Variants in MTHFD2L observed in about 807,000 individuals in gnomAD.
MTHFD2L encodes methylenetetrahydrofolate dehydrogenase (NADP+ dependent) 2 like.
A neutral mutation model predicts 34.9 loss-of-function variants in MTHFD2L; 29 were observed. The ratio of observed to expected loss-of-function variants is 0.83; its 90% CI spans 0.62 to 1.13. MTHFD2L has a LOEUF of 1.13. Among genes scored for constraint, MTHFD2L ranks in the 50% most tolerant of loss-of-function variants. MTHFD2L has a pLI of 0.00. For synonymous variants in MTHFD2L, 167 were observed against 155.7 expected, an observed-to-expected ratio of 1.07 and a Z score of -0.54; for missense variants, 481 against 446.5, an observed-to-expected ratio of 1.08 and a Z score of -0.70.
intron 1 of MTHFD2L, among the ~76,000 whole-genome samples, chr4:74,170,898 T>C (rs946749632): frequency 5.5e-5 from 8 of 145,960 alleles, no homozygotes; most frequent in African/African-American, 1.5e-4. Flanking sequence ...AAACACTGCA[T>C]GTTCTCACTC....
chr4:74,236,297 C>A (rs556486005), intron 6 of MTHFD2L, among the ~76,000 whole-genome samples: 1 of 152,292 alleles, frequency 6.6e-6, no homozygotes, highest in South Asian at 2.1e-4. Context: ...TTAATGCTTT[C>A]TAAAACACAA....
intron 1 of MTHFD2L, among the ~76,000 whole-genome samples, chr4:74,129,708 G>C (rs1282333494): frequency 6.6e-6 from 1 of 152,022 alleles, no homozygotes; most frequent in African/African-American, 2.4e-5. Flanking sequence ...TCAAAAGCTA[G>C]CAGAAGACAA....
chr4:74,211,445 G>A (rs981556624), intron 5 of MTHFD2L, among the ~76,000 whole-genome samples: 2 of 152,176 alleles, frequency 1.3e-5, no homozygotes, highest in Admixed American at 6.5e-5. Flanking sequence ...AGATAATCAT[G>A]TGGTTTTTGT....
chr4:74,277,452 A>G (rs1398877806), intron 6 of MTHFD2L, among the ~76,000 whole-genome samples: 1 of 151,992 alleles, frequency 6.6e-6, no homozygotes, highest in Non-Finnish European at 1.5e-5. Flanking sequence ...CCCATTCTAG[A>G]ACTACAATGG....
At chr4:74,188,099 GTATC>G (rs1268214621) in intron 3 of MTHFD2L, among the ~76,000 whole-genome samples, 1 of 117,748 alleles carries the variant, frequency 8.5e-6, no homozygotes, top group Non-Finnish European at 1.9e-5. Context: ...CTGAGTGAAA[GTATC>G]TAGACAAGAG....
chr4:74,133,116 G>A (rs1039941390), intron 1 of MTHFD2L, among the ~76,000 whole-genome samples: 5 of 152,180 alleles, frequency 3.3e-5, no homozygotes, highest in Admixed American at 6.6e-5. Context: ...GTCTGTGAAA[G>A]ACAATTTCTC....
intron 3 of MTHFD2L, 68 bp from the exon 4 acceptor site, chr4:74,199,726 G>T: frequency 1.5e-6 from 2 of 1,363,286 alleles, no homozygotes; most frequent in Non-Finnish European, 2.0e-6. Context: ...TAGATTCTCA[G>T]ATTTCATTTT....
intron 6 of MTHFD2L, among the ~76,000 whole-genome samples, chr4:74,240,155 A>T (rs1479895812): frequency 6.6e-6 from 1 of 152,230 alleles, no homozygotes. Flanking sequence ...TTATAGTGGA[A>T]GCTCTGCAAA....
intron 7 of MTHFD2L, among the ~76,000 whole-genome samples, chr4:74,296,053 C>A (rs970023826): frequency 1.3e-5 from 2 of 152,084 alleles, no homozygotes; most frequent in African/African-American, 4.8e-5. Flanking sequence ...ACTAAAAGCT[C>A]CATGAGGCAG....
At chr4:74,233,962 T>G (rs992979058) in intron 6 of MTHFD2L, among the ~76,000 whole-genome samples, 1 of 152,036 alleles carries the variant, frequency 6.6e-6, no homozygotes, top group African/African-American at 2.4e-5. Flanking sequence ...TTCTGATTTT[T>G]CATGAGTAAA....
At chr4:74,142,585 T>A (rs989870775) in intron 1 of MTHFD2L, among the ~76,000 whole-genome samples, 3 of 152,256 alleles carry the variant, frequency 2.0e-5, no homozygotes, top group African/African-American at 7.2e-5. Context: ...TGTCATAATT[T>A]GTTTTAGCAG....
Position 74,261,727 on chromosome 4 carries a change from A to G in MTHFD2L, c.806-19698A>G, listed in dbSNP as rs73824447. Among the ~76,000 whole-genome samples, 1,242 of 152,200 alleles carry G rather than the reference A, an allele frequency of 8.2e-3. 10 individuals are homozygous for G. The highest frequency in any genetic ancestry group is 0.026 in the African/African-American group (1,074 of 41,576). On this transcript the variant is annotated intron_variant, in intron 6 of 7. Transcript: ENST00000325278. ...TTAGCATCCACATATTTATAAGAATAAAGATTAATTGGAAGAAAAAGCGTA... is the reference window on the plus strand; with the variant it reads ...TTAGCATCCACATATTTATAAGAATGAAGATTAATTGGAAGAAAAAGCGTA...
chr4:74,294,210 C>G (rs1477360677), intron 7 of MTHFD2L, among the ~76,000 whole-genome samples: 2 of 152,046 alleles, frequency 1.3e-5, no homozygotes, highest in Admixed American at 6.6e-5. Flanking sequence ...TTAACTTTGC[C>G]AGAATATACA....
chr4:74,268,945 T>C (rs1350612103), intron 6 of MTHFD2L, among the ~76,000 whole-genome samples: 1 of 152,198 alleles, frequency 6.6e-6, no homozygotes, highest in Admixed American at 6.5e-5. Flanking sequence ...TTTTTTTGCC[T>C]AGGCAACATT....
chr4:74,142,163 A>G (rs1417401510), intron 1 of MTHFD2L, among the ~76,000 whole-genome samples: 2 of 152,226 alleles, frequency 1.3e-5, no homozygotes, highest in Non-Finnish European at 2.9e-5. Context: ...ATTGGAGAGC[A>G]TAGCTGCACT....
intron 6 of MTHFD2L, among the ~76,000 whole-genome samples, chr4:74,271,961 A>G (rs879638633): frequency 6.6e-6 from 1 of 152,104 alleles, no homozygotes; most frequent in Non-Finnish European, 1.5e-5. Flanking sequence ...GGTATTATGT[A>G]AGTTCAGACA....
intron 6 of MTHFD2L, among the ~76,000 whole-genome samples, chr4:74,265,139 A>G (rs1745130225): frequency 6.6e-6 from 1 of 152,192 alleles, no homozygotes. Context: ...AATAGTCATC[A>G]TTATTCTAAC....
intron 6 of MTHFD2L, among the ~76,000 whole-genome samples, chr4:74,280,801 C>A (rs918618243): frequency 6.6e-6 from 1 of 151,918 alleles, no homozygotes; most frequent in African/African-American, 2.4e-5. Context: ...CTTTCAGAAT[C>A]ATATACGGAC....
At chr4:74,124,400 T>A (rs141112861), upstream of MTHFD2L, among the ~76,000 whole-genome samples, 1 of 151,780 alleles carries the variant, frequency 6.6e-6, no homozygotes, top group African/African-American at 2.4e-5. Context: ...TATAGCATCA[T>A]GAAGAATACT....
Sources: gnomAD v4.1 joint callset for allele counts (sites outside exome capture counted in the v4.1 genomes callset) on GRCh38, gnomAD v4.1.1 for gene constraint, MANE v1.5 for transcripts, NCBI Gene and HGNC (gene_info 2026-07-23, HGNC 2026-07-21) for gene names.